WDR62: variants seen among roughly 807,000 people sequenced by gnomAD.
WDR62 encodes the protein WD repeat-containing protein 62.
In WDR62, 112 loss-of-function variants were observed where a neutral mutation model predicts 160.6. The ratio of observed to expected loss-of-function variants is 0.70; its 90% CI spans 0.60 to 0.82. The LOEUF (loss-of-function observed/expected upper bound fraction) is 0.82. Ranked by LOEUF, WDR62 falls within the 40% of genes least tolerant of loss-of-function variation. The probability of loss-of-function intolerance (pLI) is 0.00; values close to 1 mark genes in which losing one functional copy is unlikely to be tolerated. For synonymous variants in WDR62, 792 were observed against 815.1 expected, an observed-to-expected ratio of 0.97 and a Z score of 0.48; for missense variants, 1,819 against 1,983.8, an observed-to-expected ratio of 0.92 and a Z score of 1.58.
chr19:36,096,935 G>A, intron 20 of WDR62, 92 bp from the exon 21 acceptor site: 2 of 1,157,848 alleles, frequency 1.7e-6, no homozygotes, highest in Non-Finnish European at 2.5e-6. Flanking sequence ...CTTCTGGGTT[G>A]TGGTGTTGCC....
intron 3 of WDR62, among the ~76,000 whole-genome samples, chr19:36,065,616 A>G (rs1970893243): frequency 2.0e-5 from 3 of 152,170 alleles, no homozygotes; most frequent in Admixed American, 2.0e-4. Flanking sequence ...GGCCTGTACC[A>G]TTTCCTGCAT....
rs372384898 is a variant in WDR62 at position 36,091,404 on chromosome 19, A to G, written c.2149A>G (p.Ile717Val). Residue 717 changes from isoleucine (I) to valine (V), a missense_variant and splice_region_variant, in exon 18 of 32, where the codon ATT (isoleucine) becomes GTT (valine). Ile to Val is a conservative substitution (Grantham distance 29, BLOSUM62 3). This residue lies in a region of WDR62 where 934 missense variants were observed against 1,157.2 expected (regional missense o/e 0.81). Transcript: ENST00000401500. ...CIAKMFGHSE[I>V]ITSMKFTYDC... ...CAGCCTCTCTGCTTTGTTTGCAGAA[A>G]TTATTACCAGCATGAAGTTCACCTA... 2 of 1,614,084 alleles carry G rather than the reference A, an allele frequency of 1.2e-6. No individual in the cohort carries two copies. The highest frequency in any genetic ancestry group is 2.7e-5 in the African/African-American group (2 of 74,932).
chr19:36,089,882 G>A (rs756878105), intron 15 of WDR62, among the ~76,000 whole-genome samples: 56 of 152,332 alleles, frequency 3.7e-4, no homozygotes, highest in Non-Finnish European at 7.1e-4. Context: ...TCATTCACCC[G>A]TATTCCCTGA....
chr19:36,102,152 G>A lies in WDR62; in HGVS notation c.3220+1G>A. 1.2e-6 allele frequency: 2 copies of A among 1,613,756 alleles called. No homozygotes were observed. Among genetic ancestry groups the A allele is most frequent in the Non-Finnish European group, 1.7e-6 (2 of 1,180,040 alleles). On this transcript the variant is annotated splice_donor_variant, in intron 26 of 31. Transcript: ENST00000401500. LOFTEE classifies it high-confidence loss of function. ...ACACTGACTGAGTCCCCCTGCAGAGGTAGGGCCCTGCCTCACCCACACCTG... is the reference window on the plus strand; with the variant it reads ...ACACTGACTGAGTCCCCCTGCAGAGATAGGGCCCTGCCTCACCCACACCTG...
intron 26 of WDR62, 39 bp from the exon 27 acceptor site, chr19:36,102,698 G>A (rs201253931): frequency 3.9e-5 from 62 of 1,598,514 alleles, no homozygotes; most frequent in Non-Finnish European, 5.1e-5. Context: ...GCTGCTCGGC[G>A]GGAAGGGTTA....
At chr19:36,105,888 G>A (rs1308277894), downstream of WDR62, among the ~76,000 whole-genome samples, 5 of 151,656 alleles carry the variant, frequency 3.3e-5, no homozygotes, top group African/African-American at 4.8e-5. Context: ...TAGTAGAGAC[G>A]GGGTTTTGCC....
Position 36,067,932 on chromosome 19 carries a change from T to A in WDR62, c.804T>A (p.Ser268Arg), listed in dbSNP as rs1353459177. The A allele has an allele frequency of 6.2e-7, 1 of 1,614,044 alleles. No homozygotes were observed. The highest frequency in any genetic ancestry group is 8.5e-7 in the Non-Finnish European group (1 of 1,180,036). The part of the protein sequence containing the change: ...VACGRGRMAG[S>R]TFCVSYSGLL... ...GCGGTCGGGGCCGGATGGCGGGCAGTACCTTCTGTGTGTCCTACTCGGGCC... is the reference window on the plus strand; with the variant it reads ...GCGGTCGGGGCCGGATGGCGGGCAGAACCTTCTGTGTGTCCTACTCGGGCC... Residue 268 changes from serine to arginine, a missense_variant, in exon 7 of 32, where the codon AGT becomes AGA. By Grantham distance (110) the Ser-to-Arg change is moderately radical (BLOSUM62 -1). Around this residue, in one of 3 missense-constraint regions of WDR62, gnomAD observed 934 missense variants for 1,157.2 expected, o/e 0.81. Transcript: ENST00000401500.
intron 23 of WDR62, 61 bp downstream of exon 23, chr19:36,100,936 C>A: frequency 6.2e-7 from 1 of 1,612,030 alleles, no homozygotes; most frequent in Non-Finnish European, 8.5e-7. Flanking sequence ...ATAGCTGCAT[C>A]CTGGAAGAAG....
chr19:36,062,129 T>G (rs1970681792), intron 3 of WDR62: 1 of 152,070 alleles, frequency 6.6e-6, no homozygotes, highest in Non-Finnish European at 1.5e-5. Flanking sequence ...TGTGTTTTAG[T>G]GGAGACGGGG....
intron 26 of WDR62, 37 bp downstream of exon 26, chr19:36,102,188 C>T (rs778584371): frequency 8.7e-6 from 14 of 1,613,654 alleles, no homozygotes; most frequent in Non-Finnish European, 1.2e-5. Context: ...CCGAGGCCGT[C>T]TGTGCAGCCT....
intron 30 of WDR62, 120 bp downstream of exon 30, chr19:36,104,101 A>G: frequency 7.8e-7 from 1 of 1,278,184 alleles, no homozygotes; most frequent in South Asian, 1.2e-5. Flanking sequence ...TCATTCGTGC[A>G]TTAACTTAAA....
intron 9 of WDR62, among the ~76,000 whole-genome samples, chr19:36,076,775 T>C (rs1170716282): frequency 6.6e-6 from 1 of 152,166 alleles, no homozygotes; most frequent in Non-Finnish European, 1.5e-5. Context: ...AGTCTGAGAA[T>C]GGACAACTTT....
intron 28 of WDR62, 38 bp from the exon 29 acceptor site, chr19:36,103,118 C>T (rs1332566867): frequency 6.2e-7 from 1 of 1,614,046 alleles, no homozygotes; most frequent in Non-Finnish European, 8.5e-7. Context: ...GGCTGGGAAC[C>T]CTGAGGCCTT....
In WDR62 at chr19:36,081,481, T is replaced by C. The variant is rs1331358089; in HGVS notation, c.1282T>C (p.Phe428Leu). ...GAGAGCTTGTTTGCCATCAGGATCC[T>C]TTCTGACTTGTTCTTCAGACAACAC... is the stretch of plus-strand genomic sequence containing the variant. ...DQRACLPSGSFLTCSSDNTIR... is the reference protein window; with the variant it reads ...DQRACLPSGSLLTCSSDNTIR... The change falls in exon 10 of 32, where the codon TTT becomes CTT. Residue 428 changes from phenylalanine to leucine, a missense_variant. Phe to Leu is a conservative substitution (Grantham distance 22). This residue lies in a region of WDR62 where 934 missense variants were observed against 1,157.2 expected (regional missense o/e 0.81). Transcript: ENST00000401500. 2 of 1,614,214 alleles carry C rather than the reference T, an allele frequency of 1.2e-6. No homozygotes were observed. Among genetic ancestry groups the C allele is most frequent in the Non-Finnish European group, 8.5e-7 (1 of 1,180,036 alleles).
downstream of WDR62, among the ~76,000 whole-genome samples, chr19:36,107,785 GGCTCT>G (rs751048016): frequency 4.6e-5 from 7 of 152,092 alleles, no homozygotes; most frequent in Admixed American, 2.0e-4. Context: ...CCAAATGCCA[GGCTCT>G]GTCCTGGAAG....
chr19:36,091,401 G>C lies in WDR62; in HGVS notation c.2147-1G>C. On this transcript the variant is annotated splice_acceptor_variant, in intron 17 of 31. Coordinates refer to ENST00000401500, the MANE Select transcript of WDR62 (RefSeq NM_001083961.2). LOFTEE classifies it high-confidence loss of function. The stretch of plus-strand genomic sequence containing the variant: ...GTGCAGCCTCTCTGCTTTGTTTGCA[G>C]AAATTATTACCAGCATGAAGTTCAC... 6.2e-7 allele frequency: 1 copy of C among 1,612,962 alleles called. No individual in the cohort carries two copies. Among genetic ancestry groups the C allele is most frequent in the Non-Finnish European group, 8.5e-7 (1 of 1,179,390 alleles).
chr19:36,082,885 T>C (rs1971983510), intron 10 of WDR62, among the ~76,000 whole-genome samples, 178 bp from the exon 11 acceptor site: 1 of 152,228 alleles, frequency 6.6e-6, no homozygotes, highest in Non-Finnish European at 1.5e-5. Context: ...TCAGAATTTA[T>C]TCACATATTC....
intron 8 of WDR62, among the ~76,000 whole-genome samples, chr19:36,072,571 G>A (rs979366656): frequency 1.3e-5 from 2 of 152,112 alleles, no homozygotes; most frequent in Admixed American, 6.5e-5. Flanking sequence ...TGGAATTGGG[G>A]GCTACCTAAC....
rs1337061894 is a variant in WDR62 at position 36,095,852 on chromosome 19, CTT to C, written c.2468-1171_2468-1170del. Among the ~76,000 whole-genome samples the C allele has an allele frequency of 2.6e-5, 4 of 152,212 alleles. No individual in the cohort carries two copies. In the East Asian group the frequency reaches 7.7e-4, roughly 29 times the overall value. On this transcript the variant is annotated intron_variant, in intron 20 of 31. Coordinates refer to ENST00000401500, the MANE Select transcript of WDR62 (RefSeq NM_001083961.2). ...TTATGTTGCGGATATTGTCCGGAATCTTTTTCCTCTGCAAAGTCTCTCATCTA... is the reference window on the plus strand; with the variant it reads ...TTATGTTGCGGATATTGTCCGGAATCTTTCCTCTGCAAAGTCTCTCATCTA...
Sources: gnomAD v4.1 joint callset for allele counts (sites outside exome capture counted in the v4.1 genomes callset) on GRCh38, gnomAD v4.1.1 for gene constraint, gnomAD v4.1.1 regional missense constraint, MANE v1.5 for transcripts, NCBI Gene and HGNC (gene_info 2026-07-23, HGNC 2026-07-21) for gene names.